The following WDR19 variants were observed in gnomAD, a reference collection of about 807,000 sequenced individuals.
WDR19 encodes WD repeat domain 19, also known as WD repeat-containing protein 19.
A neutral mutation model predicts 180.0 loss-of-function variants in WDR19; 121 were observed. The observed-to-expected ratio is 0.67, with a 90% CI of 0.58 to 0.78. WDR19 has a LOEUF of 0.78. Among genes scored for constraint, WDR19 ranks in the 30% least tolerant of loss-of-function variants. The pLI, the probability that WDR19 is intolerant of heterozygous loss-of-function variation, is 0.00. For synonymous variants in WDR19, 497 were observed against 540.7 expected, an observed-to-expected ratio of 0.92 and a Z score of 1.12; for missense variants, 1,450 against 1,640.7, an observed-to-expected ratio of 0.88 and a Z score of 2.01.
At chr4:39,261,294 G>T (rs1162530783) in intron 28 of WDR19, among the ~76,000 whole-genome samples, 4 of 151,910 alleles carry the variant, frequency 2.6e-5, no homozygotes, top group African/African-American at 9.7e-5. Flanking sequence ...GCCCGGCCTG[G>T]TCTCTCTTTT....
chr4:39,188,587 C>G (rs1220162511), intron 3 of WDR19, among the ~76,000 whole-genome samples: 9 of 149,350 alleles, frequency 6.0e-5, no homozygotes, highest in Non-Finnish European at 1.0e-4. Flanking sequence ...CCACCGCACT[C>G]CAGCCTGGGC....
chr4:39,228,425 C>A (rs1730507134), intron 16 of WDR19, 61 bp from the exon 17 acceptor site: 1 of 1,601,544 alleles, frequency 6.2e-7, no homozygotes, highest in African/African-American at 1.3e-5. Flanking sequence ...TTAAAACATT[C>A]TTTCTGATGT....
At position 39,267,211 on chromosome 4, in the gene WDR19, C is replaced by T. The variant is rs1578033047; in HGVS notation, c.3262-784C>T. Among the ~76,000 whole-genome samples, 4 of 152,314 alleles carry T rather than the reference C, an allele frequency of 2.6e-5. No homozygotes were observed. The South Asian group carries it at 6.2e-4, about 24-fold the overall frequency. On this transcript the variant is annotated intron_variant, in intron 29 of 36. Transcript: ENST00000399820. ...AGAGACCCACACACCTTTGAGAATG[C>T]CCCAGACCTCCTTCCCCTTTGCTTT...
In WDR19 at chr4:39,255,835, ACTT is replaced by A. The variant is rs775155444; in HGVS notation, c.3002-10_3002-8del. The stretch of plus-strand genomic sequence containing the variant: ...TTTGCTCAGATATTTTACTCAGTAA[ACTT>A]CTGTTACAGGTTCTGAAGACACTAC... On this transcript the variant is annotated splice_polypyrimidine_tract_variant and intron_variant, in intron 26 of 36. Transcript: ENST00000399820. 4 of 1,484,740 alleles carry A rather than the reference ACTT, an allele frequency of 2.7e-6. No homozygotes were observed. The East Asian group carries it at 7.1e-5, about 26-fold the overall frequency. The allele number at this position is 1,484,740 out of a possible 1,614,324, so 92.0% of individuals were successfully genotyped here.
chr4:39,188,761 C>CT (rs1725837960), intron 3 of WDR19, among the ~76,000 whole-genome samples: 1 of 151,696 alleles, frequency 6.6e-6, no homozygotes, highest in South Asian at 2.1e-4. Context: ...TGCTGCTTTT[C>CT]TTTTTTTGAA....
intron 36 of WDR19, among the ~76,000 whole-genome samples, chr4:39,281,215 G>GTGTGTGTGTGTGTGTGTGTATATA (rs1167602972): frequency 6.4e-5 from 7 of 110,120 alleles, no homozygotes; most frequent in East Asian, 2.3e-4. Context: ...ATGTGTGTGT[G>GTGTGTGTGTGTGTGTGTGTATATA]TATATATATA....
At chr4:39,221,299 G>T (rs1729682153) in intron 14 of WDR19, among the ~76,000 whole-genome samples, 1 of 152,148 alleles carries the variant, frequency 6.6e-6, no homozygotes, top group East Asian at 1.9e-4. Context: ...TGAAGATTGA[G>T]AGGCTAGCAA....
chr4:39,274,876 A>G lies in WDR19; in HGVS notation c.3634A>G (p.Ser1212Gly), dbSNP rs866537330. ...GGCAGGCCTGAAGAACTCTGCTTTC[A>G]GCTTCGCAGCTATGTTGATGAGGCC... is the stretch of plus-strand genomic sequence containing the variant. ...HRAGLKNSAF[S>G]FAAMLMRPEY... The change falls in exon 33 of 37, where the codon AGC (serine) becomes GGC (glycine). Residue 1212 changes from serine (S) to glycine (G), a missense_variant. Transcript: ENST00000399820. 3 of 1,614,074 alleles carry G rather than the reference A, an allele frequency of 1.9e-6. No individual in the cohort carries two copies. The highest frequency in any genetic ancestry group is 1.7e-6 in the Non-Finnish European group (2 of 1,179,904).
Position 39,270,099 on chromosome 4 carries a change from A to G in WDR19, c.3482A>G (p.Lys1161Arg), listed in dbSNP as rs772640672. ...LMILHSYILV[K>R]IHVKNGDHMK... is the part of the protein sequence containing the mutation. ...ATTCTGCACAGCTATATACTAGTAA[A>G]GGTGAGGCCCATGGAGTGACTTGGG... The change falls in exon 31 of 37, where the codon AAG becomes AGG. Residue 1161 changes from lysine (K) to arginine (R), a missense_variant and splice_region_variant. By Grantham distance (26) the Lys-to-Arg change is conservative. Transcript: ENST00000399820. The G allele has an allele frequency of 6.2e-7, 1 of 1,613,736 alleles. No individual in the cohort carries two copies. Among genetic ancestry groups the G allele is most frequent in the South Asian group, 1.1e-5 (1 of 91,004 alleles).
rs554810129 is a variant in WDR19, at chr4:39,278,330, G to T, written c.3917+123G>T. On this transcript the variant is annotated intron_variant, in intron 35 of 36. Coordinates refer to ENST00000399820, the MANE Select transcript of WDR19 (RefSeq NM_025132.4). ...CTAAGGATCTCTAAAGACTCAAATT[G>T]TCTTCTGGGAAGAACCTCCTGTGAC... The T allele has an allele frequency of 2.1e-5, 22 of 1,040,184 alleles. No homozygotes were observed. The Middle Eastern group carries it at 6.1e-4, about 29-fold the overall frequency. The allele number at this position is 1,040,184 out of a possible 1,614,324, so 64.4% of individuals were successfully genotyped here. A position where few individuals can be genotyped will look rare whatever the true frequency, so the allele number is the denominator to read the frequency against.
At chr4:39,217,728 A>G (rs1345530935) in intron 13 of WDR19, among the ~76,000 whole-genome samples, 6 of 152,106 alleles carry the variant, frequency 3.9e-5, no homozygotes, top group Non-Finnish European at 8.8e-5. Context: ...GGCTCTTTAC[A>G]TCTAGGAAGA....
intron 20 of WDR19, among the ~76,000 whole-genome samples, chr4:39,237,140 T>G (rs1481680379): frequency 6.6e-6 from 1 of 152,226 alleles, no homozygotes; most frequent in Non-Finnish European, 1.5e-5. Context: ...AAAGAAAGTA[T>G]AGTTCTAACA....
intron 19 of WDR19, among the ~76,000 whole-genome samples, 178 bp from the exon 20 acceptor site, chr4:39,234,588 G>A (rs1301942068): frequency 1.3e-5 from 2 of 151,958 alleles, no homozygotes; most frequent in African/African-American, 4.8e-5. Context: ...CTCCTTCAGG[G>A]CTCTATCAAG....
At chr4:39,203,495 G>T in intron 6 of WDR19, 147 bp from the exon 7 acceptor site, 1 of 643,550 alleles carries the variant, frequency 1.6e-6, no homozygotes, top group Middle Eastern at 2.6e-4. Context: ...GTTTCATCTA[G>T]AATTTCTAGA....
At chr4:39,273,922 T>C (rs534033475) in intron 32 of WDR19, 12 of 152,202 alleles carry the variant, frequency 7.9e-5, no homozygotes, top group South Asian at 2.1e-4. Flanking sequence ...CAGCAAACTT[T>C]TTCTGTAAAG....
At chr4:39,262,898 C>T (rs62308320) in intron 28 of WDR19, among the ~76,000 whole-genome samples, 96 of 152,254 alleles carry the variant, frequency 6.3e-4, no homozygotes, top group Admixed American at 2.0e-3. Flanking sequence ...CTTCCCAATC[C>T]TCCATTTCTT....
At chr4:39,214,766 A>T in intron 10 of WDR19, 95 bp downstream of exon 10, 3 of 724,092 alleles carry the variant, frequency 4.1e-6, no homozygotes, top group South Asian at 1.9e-5. Flanking sequence ...TCGTTGTAGG[A>T]GGAATAATTT....
In WDR19 at chr4:39,285,772, T is replaced by C. The variant is rs1259326777; in HGVS notation, c.*299T>C. On this transcript the variant is annotated 3_prime_UTR_variant, in exon 37 of 37. Coordinates refer to ENST00000399820, the MANE Select transcript of WDR19 (RefSeq NM_025132.4). ...AAATATTCAGCTTTTTGCTAACTTTTGTATTTTGAAAAACTTTAAAATAAA... is the reference window on the plus strand; with the variant it reads ...AAATATTCAGCTTTTTGCTAACTTTCGTATTTTGAAAAACTTTAAAATAAA... 6.6e-6 allele frequency: 1 copy of C among 152,244 alleles called. No homozygotes were observed. Among genetic ancestry groups the C allele is most frequent in the African/African-American group, 2.4e-5 (1 of 41,472 alleles). The allele number at this position is 152,244 out of a possible 1,614,324, so 9.4% of individuals were successfully genotyped here.
intron 36 of WDR19, among the ~76,000 whole-genome samples, chr4:39,284,104 A>ATATT (rs1736879025): frequency 6.6e-6 from 1 of 151,938 alleles, no homozygotes; most frequent in African/African-American, 2.4e-5. Flanking sequence ...CTGTATGTTT[A>ATATT]TATTTTTCCC....
Sources: allele counts gnomAD v4.1 joint callset (sites outside exome capture counted in the v4.1 genomes callset), GRCh38; gene constraint gnomAD v4.1.1; transcripts MANE v1.5; gene names NCBI Gene and HGNC (gene_info 2026-07-23, HGNC 2026-07-21).